KIAA1614: variants seen among roughly 807,000 people sequenced by gnomAD.
The protein encoded by KIAA1614 is KIAA1614.
KIAA1614 carries 76 observed loss-of-function variants against 88.7 expected under a neutral mutation model. The observed-to-expected ratio is 0.86, with a 90% CI of 0.71 to 1.04. KIAA1614 has a LOEUF of 1.04. Ranked by LOEUF, KIAA1614 falls within the 50% of genes least tolerant of loss-of-function variation. The pLI is 0.00. For synonymous variants in KIAA1614, 714 were observed against 675.5 expected (o/e 1.06, Z -0.88); for missense variants, 1,553 against 1,582.5 (o/e 0.98, Z 0.32).
At chr1:180,936,877 C>A (rs924186264) in intron 5 of KIAA1614, among the ~76,000 whole-genome samples, 1 of 152,158 alleles carries the variant, frequency 6.6e-6, no homozygotes, top group African/African-American at 2.4e-5. Context: ...GCAGGATTGA[C>A]CGCCGGCCTG....
chr1:180,913,407 C>A (rs903134989), intron 1 of KIAA1614, 114 bp downstream of exon 1: 6 of 624,670 alleles, frequency 9.6e-6, no homozygotes, highest in Non-Finnish European at 1.4e-5. Context: ...CTCCCACGGG[C>A]TCGGAGCTGG....
In KIAA1614 at chr1:180,917,090, A is replaced by T; in HGVS notation, c.987A>T (p.Thr329=). 6.2e-7 allele frequency: 1 copy of T among 1,612,332 alleles called. No individual in the cohort carries two copies. The highest frequency in any genetic ancestry group is 8.5e-7 in the Non-Finnish European group (1 of 1,179,340). Reference sequence around the variant, plus strand: ...CTGCCTGGACTCCATCCTGGGACACAGCTGCACCAGGTGAAGCTCACTGTG... The same window carrying T: ...CTGCCTGGACTCCATCCTGGGACACTGCTGCACCAGGTGAAGCTCACTGTG... ...GTPAWTPSWD[T]AAPERPVGDV... is the part of the protein sequence containing the mutation. Residue 329 remains threonine (T), a synonymous_variant, in exon 2 of 9, where the codon ACA becomes ACT. Coordinates refer to ENST00000367588, the MANE Select transcript of KIAA1614 (RefSeq NM_020950.2).
Position 180,938,543 on chromosome 1 carries a change from T to C in KIAA1614, c.2762-12T>C, listed in dbSNP as rs764177198. ...CCGGTCTGACTCAGGTGGGATGCTG[T>C]GCTTGTTTCAGGAGGACCCCAGGGC... On this transcript the variant is annotated splice_polypyrimidine_tract_variant and intron_variant, in intron 5 of 8. Transcript: ENST00000367588. 29 of 1,613,442 alleles carry C rather than the reference T, an allele frequency of 1.8e-5. No individual in the cohort carries two copies. Among genetic ancestry groups the C allele is most frequent in the East Asian group, 1.8e-4 (8 of 44,884 alleles).
intron 4 of KIAA1614, among the ~76,000 whole-genome samples, chr1:180,933,213 A>G (rs1438669904): frequency 1.3e-5 from 2 of 152,230 alleles, no homozygotes; most frequent in African/African-American, 4.8e-5. Flanking sequence ...CTAAGAAGAA[A>G]GATCCAGGAA....
chr1:180,927,176 C>T (rs1230916666), intron 3 of KIAA1614, among the ~76,000 whole-genome samples: 1 of 152,134 alleles, frequency 6.6e-6, no homozygotes, highest in Non-Finnish European at 1.5e-5. Context: ...ACTGCCTGGT[C>T]CCTTCCCCCA....
At chr1:180,944,259 T>C (rs1654532617) in intron 7 of KIAA1614, 130 bp from the exon 8 acceptor site, 4 of 894,580 alleles carry the variant, frequency 4.5e-6, no homozygotes, top group Non-Finnish European at 3.4e-6. Context: ...TGTTGAATTC[T>C]TGGAAGCAAT....
chr1:180,930,773 C>T (rs1654180224), intron 4 of KIAA1614, among the ~76,000 whole-genome samples: 2 of 152,252 alleles, frequency 1.3e-5, no homozygotes, highest in South Asian at 2.1e-4. Flanking sequence ...AAAAGAATTA[C>T]TGTGACTTGG....
At chr1:180,923,758 G>C (rs980590524) in intron 3 of KIAA1614, among the ~76,000 whole-genome samples, 5 of 151,974 alleles carry the variant, frequency 3.3e-5, no homozygotes, top group Non-Finnish European at 5.9e-5. Flanking sequence ...GGCTGAGTGC[G>C]GGAGAAGAGA....
At chr1:180,944,180 A>C (rs1476764984) in intron 7 of KIAA1614, 4 of 399,088 alleles carry the variant, frequency 1.0e-5, no homozygotes, top group African/African-American at 2.0e-5. Flanking sequence ...AAGCAAAACA[A>C]AAACTCCCTT....
chr1:180,941,137 T>G lies in KIAA1614; in HGVS notation c.3011T>G (p.Leu1004Arg), dbSNP rs1654451937. The G allele has an allele frequency of 1.2e-6, 2 of 1,613,312 alleles. No individual in the cohort carries two copies. Among genetic ancestry groups the G allele is most frequent in the Non-Finnish European group, 1.7e-6 (2 of 1,179,876 alleles). ...KKRSSSIAST[L>R]GLKKLFSALG... ...AGGAGCAGCAGCATAGCCTCCACCC[T>G]GGGGCTGAAAAAGCTCTTCTCAGCC... Residue 1004 changes from leucine (L) to arginine (R), a missense_variant, in exon 7 of 9, where the codon CTG (leucine) becomes CGG (arginine). Coordinates refer to ENST00000367588, the MANE Select transcript of KIAA1614 (RefSeq NM_020950.2).
chr1:180,941,035 TG>T lies in KIAA1614; in HGVS notation c.2919-9del. On this transcript the variant is annotated splice_polypyrimidine_tract_variant and intron_variant, in intron 6 of 8. Coordinates refer to ENST00000367588, the MANE Select transcript of KIAA1614 (RefSeq NM_020950.2). ...TCCCCCGCCCCCTCACCTCCACCCT[TG>T]TGTTTCAGAGCATCAGCAGGAGCTG... is the stretch of plus-strand genomic sequence containing the variant. 5.6e-6 allele frequency: 4 copies of T among 720,634 alleles called. No homozygotes were observed. The highest frequency in any genetic ancestry group is 7.9e-5 in the East Asian group (1 of 12,602). The allele number at this position is 720,634 out of a possible 1,614,324, so 44.6% of individuals were successfully genotyped here. A position where few individuals can be genotyped will look rare whatever the true frequency, so the allele number is the denominator to read the frequency against.
rs1654388058 is a variant in KIAA1614 at position 180,938,723 on chromosome 1, G to C, written c.2918+12G>C. The C allele has an allele frequency of 3.1e-6, 5 of 1,612,546 alleles. No individual in the cohort carries two copies. Among genetic ancestry groups the C allele is most frequent in the African/African-American group, 2.7e-5 (2 of 74,912 alleles). On this transcript the variant is annotated intron_variant, in intron 6 of 8. Coordinates refer to ENST00000367588, the MANE Select transcript of KIAA1614 (RefSeq NM_020950.2). Reference sequence around the variant, plus strand: ...CATGTGCTGTCAAGGTGAGTGACAGGAGAAAGAGCCAGATTGCAGAAGGAG... The same window carrying C: ...CATGTGCTGTCAAGGTGAGTGACAGCAGAAAGAGCCAGATTGCAGAAGGAG...
At chr1:180,924,544 C>A (rs1443268630) in intron 3 of KIAA1614, among the ~76,000 whole-genome samples, 2 of 152,150 alleles carry the variant, frequency 1.3e-5, no homozygotes, top group African/African-American at 4.8e-5. Context: ...GTTCTCCCAG[C>A]TGCCATTCCT....
rs537878786 is a variant in KIAA1614 at position 180,938,105 on chromosome 1, A to G, written c.2762-450A>G. ...AGCACATAACAGATCTCCAGAAATG[A>G]TGGCTATTTTAAAGCTCTCAGAAAT... On this transcript the variant is annotated intron_variant, in intron 5 of 8. Coordinates refer to ENST00000367588, the MANE Select transcript of KIAA1614 (RefSeq NM_020950.2). 1.5e-3 allele frequency among the ~76,000 whole-genome samples: 229 copies of G among 152,350 alleles called. 3 individuals are homozygous for G. The highest frequency in any genetic ancestry group is 5.3e-3 in the African/African-American group (221 of 41,584).
chr1:180,943,979 A>G (rs1475621184), intron 7 of KIAA1614: 1 of 160,400 alleles, frequency 6.2e-6, no homozygotes, highest in Non-Finnish European at 1.4e-5. Context: ...GCAATATTCA[A>G]TTTAAATTTT....
Position 180,936,292 on chromosome 1 carries a change from T to A in KIAA1614, c.2383T>A (p.Trp795Arg), listed in dbSNP as rs1571297437. 6.2e-7 allele frequency: 1 copy of A among 1,614,160 alleles called. No individual in the cohort carries two copies. The highest frequency in any genetic ancestry group is 1.7e-5 in the Admixed American group (1 of 60,022). ...AGAGCCTTCTGCCCCACACCAAGCCTGGCAGCCAACAGCTTCCTTGTGTCC... is the reference window on the plus strand; with the variant it reads ...AGAGCCTTCTGCCCCACACCAAGCCAGGCAGCCAACAGCTTCCTTGTGTCC... ...HAEPSAPHQAWQPTASLCPEG... is the reference protein window; with the variant it reads ...HAEPSAPHQARQPTASLCPEG... The change falls in exon 5 of 9, where the codon TGG becomes AGG. Residue 795 changes from tryptophan (W) to arginine (R), a missense_variant. By Grantham distance (101) the Trp-to-Arg change is moderately radical (BLOSUM62 -3). Coordinates refer to ENST00000367588, the MANE Select transcript of KIAA1614 (RefSeq NM_020950.2).
In KIAA1614 at chr1:180,947,964, C is replaced by A. The variant is rs1429600406; in HGVS notation, c.*2376C>A. 6.6e-6 allele frequency: 1 copy of A among 152,280 alleles called. No homozygotes were observed. The highest frequency in any genetic ancestry group is 2.4e-5 in the African/African-American group (1 of 41,454). 9.4% of individuals were successfully genotyped at this position (152,280 alleles called of 1,614,324 possible). A position where few individuals can be genotyped will look rare whatever the true frequency, so the allele number is the denominator to read the frequency against. On this transcript the variant is annotated 3_prime_UTR_variant, in exon 9 of 9. Coordinates refer to ENST00000367588, the MANE Select transcript of KIAA1614 (RefSeq NM_020950.2). Reference sequence around the variant, plus strand: ...CACAACAGGTCATTGTACTCTGCCGCCCACCCTCCCCCAGAGTCCCTTTTT... The same window carrying A: ...CACAACAGGTCATTGTACTCTGCCGACCACCCTCCCCCAGAGTCCCTTTTT...
At chr1:180,928,325 C>T (rs903750788) in intron 3 of KIAA1614, 105 bp from the exon 4 acceptor site, 72 of 1,303,382 alleles carry the variant, frequency 5.5e-5, no homozygotes, top group South Asian at 5.5e-5. Context: ...ACATGCAGGG[C>T]TTTTTCTGGC....
chr1:180,925,426 G>T (rs1001638947), intron 3 of KIAA1614, among the ~76,000 whole-genome samples: 12 of 152,216 alleles, frequency 7.9e-5, no homozygotes, highest in African/African-American at 2.7e-4. Flanking sequence ...GTGCATCCTG[G>T]AATCTGGGAA....
Sources: allele counts gnomAD v4.1 joint callset (sites outside exome capture counted in the v4.1 genomes callset), GRCh38; gene constraint gnomAD v4.1.1; transcripts MANE v1.5; gene names NCBI Gene and HGNC (gene_info 2026-07-23, HGNC 2026-07-21).